HFM1: variants seen among roughly 807,000 people sequenced by gnomAD.
The protein encoded by HFM1 is helicase for meiosis 1, also known as probable ATP-dependent DNA helicase HFM1.
HFM1 carries 169 observed loss-of-function variants against 192.1 expected under a neutral mutation model. That is an observed-to-expected ratio of 0.88 (90% CI 0.78 to 1.00). The LOEUF (loss-of-function observed/expected upper bound fraction) is 1.00, where lower values mean the gene tolerates loss of function less well. HFM1 is among the 50% of genes least tolerant of loss of function. The pLI, the probability that HFM1 is intolerant of heterozygous loss-of-function variation, is 0.00. For missense variants in HFM1, 1,661 were observed against 1,668.0 expected, an observed-to-expected ratio of 1.00 and a Z score of 0.07; for synonymous variants, 525 against 537.8, an observed-to-expected ratio of 0.98 and a Z score of 0.33.
At chr1:91,267,145 T>C (rs1352609917) in intron 35 of HFM1, among the ~76,000 whole-genome samples, 2 of 152,154 alleles carry the variant, frequency 1.3e-5, no homozygotes, top group Non-Finnish European at 2.9e-5. Flanking sequence ...TTCTCTGTTT[T>C]AGTGAAATAG....
intron 25 of HFM1, 27 bp downstream of exon 25, chr1:91,319,051 A>G: frequency 6.4e-7 from 1 of 1,560,610 alleles, no homozygotes; most frequent in South Asian, 1.2e-5. Flanking sequence ...GACATGGCCA[A>G]ACTGCCTGCC....
At chr1:91,326,541 A>T (rs1398407846) in intron 20 of HFM1, among the ~76,000 whole-genome samples, 1 of 152,228 alleles carries the variant, frequency 6.6e-6, no homozygotes, top group Non-Finnish European at 1.5e-5. Context: ...ATGAAGGAGA[A>T]ATAAAGAGCT....
At chr1:91,364,707 A>T (rs1659040522) in intron 13 of HFM1, among the ~76,000 whole-genome samples, 1 of 136,338 alleles carries the variant, frequency 7.3e-6, no homozygotes, top group Non-Finnish European at 1.5e-5. Flanking sequence ...ATCTCAGCTT[A>T]CTGCAAGCTC....
chr1:91,287,560 A>G (rs375323914), intron 30 of HFM1, among the ~76,000 whole-genome samples: 3 of 152,322 alleles, frequency 2.0e-5, no homozygotes, highest in South Asian at 4.1e-4. Flanking sequence ...CCACAAAGAT[A>G]GGGAAAAAAC....
chr1:91,287,298 A>T (rs1372697904), intron 30 of HFM1, among the ~76,000 whole-genome samples: 1 of 152,234 alleles, frequency 6.6e-6, no homozygotes, highest in Non-Finnish European at 1.5e-5. Flanking sequence ...TTCTCCCAGC[A>T]TGCAGCTGGA....
rs755260863 is a variant in HFM1, at chr1:91,323,075, CAT to C, written c.2534+16_2534+17del. ...TAAAACCTCTTAAAATTATTTAAAACATATGTAATTTCTGTACCTGATAGTTA... is the reference window on the plus strand; with the variant it reads ...TAAAACCTCTTAAAATTATTTAAAACATGTAATTTCTGTACCTGATAGTTA... On this transcript the variant is annotated intron_variant, in intron 22 of 38. Coordinates refer to ENST00000370425, the MANE Select transcript of HFM1 (RefSeq NM_001017975.6). The C allele has an allele frequency of 1.6e-5, 23 of 1,415,964 alleles. No individual in the cohort carries two copies. The highest frequency in any genetic ancestry group is 1.9e-5 in the Non-Finnish European group (20 of 1,030,788). The allele number at this position is 1,415,964 out of a possible 1,614,324, so 87.7% of individuals were successfully genotyped here. A position where few individuals can be genotyped will look rare whatever the true frequency, so the allele number is the denominator to read the frequency against.
intron 30 of HFM1, among the ~76,000 whole-genome samples, chr1:91,289,003 G>A (rs1489402598): frequency 6.7e-6 from 1 of 149,982 alleles, no homozygotes; most frequent in Non-Finnish European, 1.5e-5. Flanking sequence ...TCAGGTGGGG[G>A]CTACCCCCCA....
chr1:91,282,433 A>T (rs1164134058), intron 30 of HFM1, among the ~76,000 whole-genome samples: 4 of 152,092 alleles, frequency 2.6e-5, no homozygotes, highest in African/African-American at 9.7e-5. Flanking sequence ...TTCCTGAATT[A>T]TCCTGTTGCT....
chr1:91,276,907 T>G, intron 31 of HFM1, 75 bp downstream of exon 31: 1 of 898,168 alleles, frequency 1.1e-6, no homozygotes, highest in Non-Finnish European at 1.7e-6. Context: ...TCATACATAA[T>G]TAGGATGTCA....
intron 13 of HFM1, among the ~76,000 whole-genome samples, chr1:91,359,305 A>T (rs1338652179): frequency 6.6e-6 from 1 of 152,150 alleles, no homozygotes; most frequent in East Asian, 1.9e-4. Flanking sequence ...AACAAACTTC[A>T]CTGAGCTAAA....
intron 37 of HFM1, 22 bp downstream of exon 37, chr1:91,262,459 A>T (rs1173993490): frequency 6.4e-7 from 1 of 1,570,434 alleles, no homozygotes; most frequent in Admixed American, 1.8e-5. Context: ...TAAAAGAAAA[A>T]CAAAGAAGTG....
intron 1 of HFM1, among the ~76,000 whole-genome samples, chr1:91,403,773 A>G (rs1274064043): frequency 2.0e-5 from 3 of 152,154 alleles, no homozygotes; most frequent in Non-Finnish European, 1.5e-5. Context: ...CTCTAGTTAT[A>G]TTAATGACAA....
At chr1:91,305,850 G>A (rs1468610944) in intron 30 of HFM1, among the ~76,000 whole-genome samples, 2 of 152,040 alleles carry the variant, frequency 1.3e-5, no homozygotes, top group South Asian at 2.1e-4. Flanking sequence ...TTATAGGTAT[G>A]AGCCACTGCA....
intron 34 of HFM1, 95 bp from the exon 35 acceptor site, chr1:91,267,950 C>A: frequency 1.4e-6 from 1 of 697,048 alleles, no homozygotes; most frequent in Non-Finnish European, 2.4e-6. Flanking sequence ...GAGAGACTTT[C>A]TCATTTGAAG....
At position 91,262,442 on chromosome 1, in the gene HFM1, C is replaced by T. The variant is rs1665256608; in HGVS notation, c.4086+39G>A. On this transcript the variant is annotated intron_variant, in intron 37 of 38. Coordinates refer to ENST00000370425, the MANE Select transcript of HFM1 (RefSeq NM_001017975.6). ...ATCATTGAAAGTTTAAGCACTCGGG[C>T]AAAATTTAAAAGAAAAACAAAGAAG... 4 of 1,573,370 alleles carry T rather than the reference C, an allele frequency of 2.5e-6. No homozygotes were observed. The South Asian group carries it at 4.7e-5, about 18-fold the overall frequency.
intron 20 of HFM1, chr1:91,328,926 G>A: frequency 6.2e-7 from 1 of 1,611,600 alleles, no homozygotes; most frequent in Non-Finnish European, 8.5e-7. Context: ...GACATGGACT[G>A]CTTCACCTTC....
At chr1:91,291,986 T>A (rs1195366838) in intron 30 of HFM1, among the ~76,000 whole-genome samples, 1 of 152,134 alleles carries the variant, frequency 6.6e-6, no homozygotes, top group Non-Finnish European at 1.5e-5. Flanking sequence ...AAAAGGTCTT[T>A]GACAAAATTC....
chr1:91,331,368 T>C (rs1007059917), intron 20 of HFM1, among the ~76,000 whole-genome samples: 1 of 152,120 alleles, frequency 6.6e-6, no homozygotes, highest in Non-Finnish European at 1.5e-5. Context: ...AATCCATTTA[T>C]AATAGCCACA....
intron 23 of HFM1, among the ~76,000 whole-genome samples, chr1:91,321,215 G>A (rs1652055448): frequency 6.6e-6 from 1 of 152,210 alleles, no homozygotes; most frequent in African/African-American, 2.4e-5. Flanking sequence ...GCCGAGGCAG[G>A]TGGATCACCT....
Sources: allele counts gnomAD v4.1 joint callset (sites outside exome capture counted in the v4.1 genomes callset), GRCh38; gene constraint gnomAD v4.1.1; transcripts MANE v1.5; gene names NCBI Gene and HGNC (gene_info 2026-07-23, HGNC 2026-07-21).